PFKP: variants seen among roughly 807,000 people sequenced by gnomAD.
The protein encoded by PFKP is ATP-dependent 6-phosphofructokinase, platelet type.
A neutral mutation model predicts 94.3 loss-of-function variants in PFKP; 101 were observed. The observed-to-expected ratio is 1.07, with a 90% CI of 0.91 to 1.26. The LOEUF (loss-of-function observed/expected upper bound fraction) is 1.26. Among genes scored for constraint, PFKP ranks in the 50% most tolerant of loss-of-function variants. The probability of loss-of-function intolerance (pLI) is 0.00; values close to 1 mark genes in which losing one functional copy is unlikely to be tolerated. For missense variants in PFKP, 1,145 were observed against 1,103.3 expected (o/e 1.04, Z -0.53); for synonymous variants, 573 against 432.6 (o/e 1.32, Z -4.03).
At chr10:3,116,034 A>G (rs934829490) in intron 13 of PFKP, among the ~76,000 whole-genome samples, 1 of 152,162 alleles carries the variant, frequency 6.6e-6, no homozygotes, top group Non-Finnish European at 1.5e-5. Flanking sequence ...ACTTGTGAAG[A>G]TTAATTGGCT....
chr10:3,121,505 G>C (rs1837397714), intron 16 of PFKP, among the ~76,000 whole-genome samples: 1 of 152,052 alleles, frequency 6.6e-6, no homozygotes, highest in South Asian at 2.1e-4. Context: ...AGAGGGAACG[G>C]GTGGAGAATT....
At chr10:3,111,749 C>T (rs991572633) in intron 10 of PFKP, among the ~76,000 whole-genome samples, 4 of 152,104 alleles carry the variant, frequency 2.6e-5, no homozygotes, top group African/African-American at 9.7e-5. Context: ...TGTCCCAGGG[C>T]CTCCATCCGG....
intron 3 of PFKP, chr10:3,100,882 A>AAAAAAAAAAT: frequency 8.9e-7 from 1 of 1,125,614 alleles, no homozygotes; most frequent in Non-Finnish European, 1.3e-6. Flanking sequence ...AAAAAAAAAA[A>AAAAAAAAAAT]TCCCCCTGGC....
chr10:3,121,805 T>C (rs1837444457), intron 16 of PFKP, among the ~76,000 whole-genome samples: 1 of 27,048 alleles, frequency 3.7e-5, no homozygotes, highest in African/African-American at 1.2e-4. Context: ...TTTTTTTTCT[T>C]TTTTTTTTTT....
intron 20 of PFKP, among the ~76,000 whole-genome samples, chr10:3,135,335 G>A (rs765533435): frequency 2.6e-5 from 4 of 152,208 alleles, no homozygotes; most frequent in Non-Finnish European, 4.4e-5. Context: ...TTGTCTTTTT[G>A]AAGAACTGAC....
chr10:3,069,208 C>A (rs1475771121), intron 1 of PFKP: 14 of 1,300,864 alleles, frequency 1.1e-5, no homozygotes, highest in Non-Finnish European at 1.4e-5. Flanking sequence ...CCTGCAGCGC[C>A]CCCGGGAAGT....
chr10:3,134,401 G>A (rs562856353), intron 19 of PFKP, 82 bp from the exon 20 acceptor site: 5 of 848,948 alleles, frequency 5.9e-6, no homozygotes, highest in African/African-American at 3.4e-5. Context: ...CATGAATTCT[G>A]CAAAATAGAA....
rs752890698 is a variant in PFKP, at chr10:3,082,465, A to G, written c.186+4A>G. The G allele has an allele frequency of 1.2e-6, 2 of 1,600,996 alleles. No individual in the cohort carries two copies. Among genetic ancestry groups the G allele is most frequent in the East Asian group, 2.3e-5 (1 of 44,282 alleles). On this transcript the variant is annotated splice_donor_region_variant and intron_variant, in intron 2 of 21. Transcript: ENST00000381125. ...CAAGGTGTACTTCATCTACGAGGTC[A>G]GTGTCTGCCCCTCACCCCCTGTCGC... is the stretch of plus-strand genomic sequence containing the variant.
intron 17 of PFKP, among the ~76,000 whole-genome samples, chr10:3,131,852 CCTCCCTCTT>C (rs1432439749): frequency 2.1e-4 from 32 of 152,234 alleles, no homozygotes; most frequent in Non-Finnish European, 4.3e-4. Context: ...TAGAGAATTA[CCTCCCTCTT>C]GTAATCCTCC....
chr10:3,112,757 G>A (rs904451199), intron 11 of PFKP, among the ~76,000 whole-genome samples: 11 of 152,102 alleles, frequency 7.2e-5, no homozygotes, highest in East Asian at 1.9e-4. Flanking sequence ...TAGTACAGAC[G>A]GGGTTTCAAC....
intron 16 of PFKP, among the ~76,000 whole-genome samples, chr10:3,121,814 T>C (rs1564339235): frequency 0.023 from 1,039 of 45,638 alleles, 39 homozygotes; most frequent in African/African-American, 0.073. Flanking sequence ...TTTTTTTTTT[T>C]TTTTTTTTTT....
rs1433046067 is a variant in PFKP at position 3,100,936 on chromosome 10, A to T, written c.265-429A>T. 11 of 1,606,560 alleles carry T rather than the reference A, an allele frequency of 6.8e-6. No homozygotes were observed. The Admixed American group carries it at 1.8e-4, about 27-fold the overall frequency. On this transcript the variant is annotated intron_variant, in intron 3 of 21. Transcript: ENST00000381125. ...TTACTTGCAGGTGCTGTAAGGGGTG[A>T]CTGGAGGGAGAAGCCTGGCTGCTGG...
chr10:3,135,333 T>C (rs1839122937), intron 20 of PFKP, among the ~76,000 whole-genome samples: 1 of 152,282 alleles, frequency 6.6e-6, no homozygotes, highest in Admixed American at 6.5e-5. Context: ...GTTTGTCTTT[T>C]TGAAGAACTG....
chr10:3,093,030 G>A (rs1359871228), intron 2 of PFKP, among the ~76,000 whole-genome samples: 7 of 149,444 alleles, frequency 4.7e-5, no homozygotes, highest in Non-Finnish European at 7.4e-5. Context: ...GTGGAAGGGG[G>A]TGGCCACAGA....
At position 3,108,698 on chromosome 10, in the gene PFKP, C is replaced by T. The variant is rs766114354; in HGVS notation, c.871-3C>T. ...CGCATCCTAACGAGATGTTTCCTTG[C>T]AGCTTGTCGTCACGCAGCTGGGCTA... On this transcript the variant is annotated splice_polypyrimidine_tract_variant and splice_region_variant and intron_variant, in intron 8 of 21. Coordinates refer to ENST00000381125, the MANE Select transcript of PFKP (RefSeq NM_002627.5). 6.2e-7 allele frequency: 1 copy of T among 1,612,014 alleles called. No homozygotes were observed. The highest frequency in any genetic ancestry group is 8.5e-7 in the Non-Finnish European group (1 of 1,178,106).
chr10:3,068,247 C>T (rs909565751), intron 1 of PFKP, among the ~76,000 whole-genome samples: 3 of 152,140 alleles, frequency 2.0e-5, no homozygotes, highest in Non-Finnish European at 4.4e-5. Context: ...CCGCGCGCCT[C>T]CTGTCGCCTC....
rs181752330 is a variant in PFKP at position 3,105,171 on chromosome 10, C to A, written c.665+12C>A. The A allele has an allele frequency of 6.2e-7, 1 of 1,611,476 alleles. No individual in the cohort carries two copies. Among genetic ancestry groups the A allele is most frequent in the Admixed American group, 1.7e-5 (1 of 59,982 alleles). ...GGACGACACTGTGGGTACGTACCTGCGGTGGGTCCGGTGGACGCGGTTCAG... is the reference window on the plus strand; with the variant it reads ...GGACGACACTGTGGGTACGTACCTGAGGTGGGTCCGGTGGACGCGGTTCAG... On this transcript the variant is annotated intron_variant, in intron 6 of 21. Coordinates refer to ENST00000381125, the MANE Select transcript of PFKP (RefSeq NM_002627.5).
intron 2 of PFKP, among the ~76,000 whole-genome samples, chr10:3,097,082 A>AAAAAAC (rs1476565069): frequency 3.5e-5 from 5 of 142,604 alleles, no homozygotes; most frequent in Admixed American, 3.4e-4. Flanking sequence ...CGTCTCAAAA[A>AAAAAAC]AACAAAAAAC....
intron 16 of PFKP, among the ~76,000 whole-genome samples, chr10:3,123,888 T>C (rs1193763019): frequency 2.0e-5 from 3 of 152,208 alleles, no homozygotes; most frequent in Non-Finnish European, 4.4e-5. Flanking sequence ...GTGCTGGGCC[T>C]GGGTGGAGGT....
Sources: gnomAD v4.1 joint callset for allele counts (sites outside exome capture counted in the v4.1 genomes callset) on GRCh38, gnomAD v4.1.1 for gene constraint, MANE v1.5 for transcripts, NCBI Gene and HGNC (gene_info 2026-07-23, HGNC 2026-07-21) for gene names.